ZNF804A: variants seen among roughly 807,000 people sequenced by gnomAD.
The protein encoded by ZNF804A is zinc finger protein 804A.
A neutral mutation model predicts 16.5 loss-of-function variants in ZNF804A; 2 were observed. The ratio of observed to expected loss-of-function variants is 0.12; its 90% CI spans 0.05 to 0.38. ZNF804A has a LOEUF of 0.38. Ranked by LOEUF, ZNF804A falls within the 10% of genes least tolerant of loss-of-function variation. The pLI is 0.99. For missense variants in ZNF804A, 1,473 were observed against 1,390.7 expected, an observed-to-expected ratio of 1.06 and a Z score of -0.94; for synonymous variants, 534 against 489.6, an observed-to-expected ratio of 1.09 and a Z score of -1.20.
rs536821274 is a variant in ZNF804A at position 184,897,480 on chromosome 2, T to A, written c.255+30968T>A. Among the ~76,000 whole-genome samples the A allele has an allele frequency of 4.2e-4, 64 of 152,008 alleles. 1 individual carries two copies. The highest frequency in any genetic ancestry group is 3.2e-3 in the Admixed American group (49 of 15,236). ...CCTTTCCATACAGCATTTTTTTTCC[T>A]GTTTCCATACAGCAATTTTTGGATG... On this transcript the variant is annotated intron_variant, in intron 2 of 3. Coordinates refer to ENST00000302277, the MANE Select transcript of ZNF804A (RefSeq NM_194250.2).
chr2:184,860,619 A>T (rs1265489909), intron 1 of ZNF804A, among the ~76,000 whole-genome samples: 1 of 152,154 alleles, frequency 6.6e-6, no homozygotes, highest in African/African-American at 2.4e-5. Context: ...GTCCGCAAGG[A>T]TAGCCTGATT....
intron 1 of ZNF804A, among the ~76,000 whole-genome samples, chr2:184,807,456 A>G (rs13012514): frequency 3.3e-5 from 5 of 151,566 alleles, no homozygotes; most frequent in Non-Finnish European, 7.4e-5. Flanking sequence ...GATTTTCTAT[A>G]AAAATACAAT....
Position 184,598,958 on chromosome 2 carries a change from C to A in ZNF804A, c.-2C>A. On this transcript the variant is annotated 5_prime_UTR_variant, in exon 1 of 4. Transcript: ENST00000302277. The stretch of plus-strand genomic sequence containing the variant: ...TGCGGCGGAGGAGGCGGCGGCTGCC[C>A]CATGGAGTGTTACTACATTGTCATC... 6.3e-7 allele frequency: 1 copy of A among 1,598,746 alleles called. No homozygotes were observed. The highest frequency in any genetic ancestry group is 8.5e-7 in the Non-Finnish European group (1 of 1,170,134).
chr2:184,797,068 T>G (rs571236686), intron 1 of ZNF804A, among the ~76,000 whole-genome samples: 2 of 152,274 alleles, frequency 1.3e-5, no homozygotes, highest in South Asian at 4.1e-4. Context: ...TTGAAGAAAT[T>G]TCTATGCACT....
intron 1 of ZNF804A, among the ~76,000 whole-genome samples, chr2:184,803,438 T>G (rs1694754950): frequency 6.6e-6 from 1 of 152,184 alleles, no homozygotes; most frequent in Non-Finnish European, 1.5e-5. Flanking sequence ...TTTTATTGTC[T>G]TTCTTTTTCC....
intron 2 of ZNF804A, among the ~76,000 whole-genome samples, chr2:184,904,674 G>A (rs966196937): frequency 2.0e-5 from 3 of 151,778 alleles, no homozygotes; most frequent in Non-Finnish European, 4.4e-5. Context: ...ATTTCTAATC[G>A]ATCATTAATT....
intron 1 of ZNF804A, among the ~76,000 whole-genome samples, chr2:184,833,345 A>G (rs899249726): frequency 4.6e-5 from 7 of 152,140 alleles, no homozygotes; most frequent in Admixed American, 4.6e-4. Flanking sequence ...TGTAGAGTCT[A>G]GATCTTCAGA....
chr2:184,719,916 A>G (rs758877511), intron 1 of ZNF804A, among the ~76,000 whole-genome samples: 2 of 152,194 alleles, frequency 1.3e-5, no homozygotes, highest in Non-Finnish European at 2.9e-5. Context: ...TCTTTTCAGC[A>G]GTGCCCCACT....
intron 1 of ZNF804A, among the ~76,000 whole-genome samples, chr2:184,619,562 CTA>C (rs1314288368): frequency 1.3e-5 from 2 of 151,864 alleles, no homozygotes; most frequent in African/African-American, 4.8e-5. Context: ...TATCATGCCT[CTA>C]TATCACATTT....
intron 1 of ZNF804A, among the ~76,000 whole-genome samples, chr2:184,790,692 C>T (rs1264403694): frequency 6.6e-6 from 1 of 152,070 alleles, no homozygotes. Context: ...CAAGCTCCCC[C>T]TCCTAGGTTC....
At chr2:184,731,034 G>A (rs1209239182) in intron 1 of ZNF804A, among the ~76,000 whole-genome samples, 1 of 151,756 alleles carries the variant, frequency 6.6e-6, no homozygotes, top group Non-Finnish European at 1.5e-5. Flanking sequence ...CCTGAGGTCA[G>A]GAGTTCGAGA....
intron 1 of ZNF804A, among the ~76,000 whole-genome samples, chr2:184,723,075 G>T (rs867618186): frequency 7.2e-5 from 11 of 151,910 alleles, no homozygotes; most frequent in Non-Finnish European, 1.3e-4. Context: ...AGAAATCATC[G>T]AGTAACATGG....
chr2:184,900,515 A>G (rs1685163160), intron 2 of ZNF804A, among the ~76,000 whole-genome samples: 1 of 152,134 alleles, frequency 6.6e-6, no homozygotes, highest in Non-Finnish European at 1.5e-5. Context: ...AAACAGCTGT[A>G]ATATCAGTAT....
intron 1 of ZNF804A, among the ~76,000 whole-genome samples, chr2:184,620,301 G>A (rs531667574): frequency 8.3e-6 from 1 of 120,794 alleles, no homozygotes; most frequent in East Asian, 2.0e-4. Context: ...CTACAAATAA[G>A]AGTTAAAATA....
At chr2:184,703,686 G>T (rs7583712) in intron 1 of ZNF804A, among the ~76,000 whole-genome samples, 17,725 of 35,288 alleles carry the variant, frequency 0.5, 3,513 homozygotes, top group Middle Eastern at 0.62. Flanking sequence ...CAAGACTCCG[G>T]TTCAAAAAAA....
chr2:184,932,037 C>T (rs1284920269), intron 2 of ZNF804A, among the ~76,000 whole-genome samples: 2 of 152,148 alleles, frequency 1.3e-5, no homozygotes, highest in Non-Finnish European at 2.9e-5. Context: ...CAATAAGTTC[C>T]TCATCTCCAT....
At chr2:184,694,964 C>A (rs1231696893) in intron 1 of ZNF804A, among the ~76,000 whole-genome samples, 1 of 152,068 alleles carries the variant, frequency 6.6e-6, no homozygotes, top group Admixed American at 6.5e-5. Flanking sequence ...TGGGGCAGGT[C>A]TTTGGTACAA....
At chr2:184,909,412 C>A (rs1114248) in intron 2 of ZNF804A, among the ~76,000 whole-genome samples, 8,245 of 152,022 alleles carry the variant, frequency 0.054, 301 homozygotes, top group East Asian at 0.096. Context: ...AATTGACAAA[C>A]TAACACAAAC....
At chr2:184,696,567 A>T (rs1436610387) in intron 1 of ZNF804A, among the ~76,000 whole-genome samples, 2 of 152,270 alleles carry the variant, frequency 1.3e-5, no homozygotes, top group East Asian at 3.9e-4. Context: ...TTATTATTTC[A>T]AGAAATGCAA....
Sources: gnomAD v4.1 joint callset for allele counts (sites outside exome capture counted in the v4.1 genomes callset) on GRCh38, gnomAD v4.1.1 for gene constraint, MANE v1.5 for transcripts, NCBI Gene and HGNC (gene_info 2026-07-23, HGNC 2026-07-21) for gene names.